Variants in PARVB observed in about 807,000 individuals in gnomAD.
PARVB encodes the protein parvin beta, also known as beta-parvin.
PARVB carries 46 observed loss-of-function variants against 47.0 expected under a neutral mutation model. The ratio of observed to expected loss-of-function variants is 0.98; its 90% CI spans 0.77 to 1.25. The LOEUF (loss-of-function observed/expected upper bound fraction) is 1.25. Ranked by LOEUF, PARVB falls within the 50% of genes most tolerant of loss-of-function variation. The probability of loss-of-function intolerance (pLI) is 0.00; values close to 1 mark genes in which losing one functional copy is unlikely to be tolerated. For synonymous variants in PARVB, 196 were observed against 196.3 expected, an observed-to-expected ratio of 1.00 and a Z score of 0.01; for missense variants, 473 against 471.6, an observed-to-expected ratio of 1.00 and a Z score of -0.03.
intron 1 of PARVB, among the ~76,000 whole-genome samples, chr22:44,062,168 T>G (rs1479234731): frequency 6.6e-6 from 1 of 152,194 alleles, no homozygotes; most frequent in Non-Finnish European, 1.5e-5. Flanking sequence ...CTGCCGCACC[T>G]GGCAGTTCTC....
intron 12 of PARVB, chr22:44,168,264 T>C (rs990433295): frequency 4.2e-6 from 1 of 236,348 alleles, no homozygotes; most frequent in Non-Finnish European, 8.4e-6. Flanking sequence ...TACTGGGGTT[T>C]TTGGTCCCGG....
At chr22:44,157,961 A>T in intron 10 of PARVB, 21 bp from the exon 11 acceptor site, 1 of 1,582,198 alleles carries the variant, frequency 6.3e-7, no homozygotes, top group South Asian at 1.1e-5. Context: ...GCCCGGAAAC[A>T]TCACAAGTCT....
At chr22:44,091,630 C>T (rs1321719792) in intron 1 of PARVB, among the ~76,000 whole-genome samples, 3 of 152,184 alleles carry the variant, frequency 2.0e-5, no homozygotes, top group Non-Finnish European at 2.9e-5. Context: ...AAGGTTCACC[C>T]ATGCGGTAGC....
chr22:44,129,173 A>G (rs2053256042), intron 4 of PARVB, among the ~76,000 whole-genome samples: 1 of 152,208 alleles, frequency 6.6e-6, no homozygotes, highest in African/African-American at 2.4e-5. Flanking sequence ...TCCTATAAAA[A>G]GAGGAGATTA....
chr22:44,133,641 C>T (rs998971862), intron 6 of PARVB, among the ~76,000 whole-genome samples: 28 of 152,322 alleles, frequency 1.8e-4, no homozygotes, highest in Admixed American at 1.2e-3. Flanking sequence ...TGGGCTCAAG[C>T]GGTCCTCCCG....
At chr22:44,142,377 C>CAAAAAAAAAA (rs3053819) in intron 8 of PARVB, 1 of 57,044 alleles carries the variant, frequency 1.8e-5, no homozygotes, top group Non-Finnish European at 3.2e-5. Flanking sequence ...GACTCTGTCT[C>CAAAAAAAAAA]AAAAAAAAAA....
At chr22:44,042,731 G>T (rs2051041462) in intron 1 of PARVB, among the ~76,000 whole-genome samples, 1 of 152,168 alleles carries the variant, frequency 6.6e-6, no homozygotes, top group Non-Finnish European at 1.5e-5. Flanking sequence ...GCTGGGCATT[G>T]TTTCTATTTT....
intron 12 of PARVB, among the ~76,000 whole-genome samples, chr22:44,164,913 C>T (rs956682458): frequency 7.9e-5 from 12 of 152,346 alleles, no homozygotes; most frequent in East Asian, 5.8e-4. Context: ...GGTTCCTGGC[C>T]GGTCCCTTCC....
At chr22:44,055,678 C>CTCTCTCTA (rs1438284048) in intron 1 of PARVB, among the ~76,000 whole-genome samples, 27 of 142,758 alleles carry the variant, frequency 1.9e-4, no homozygotes, top group Admixed American at 4.2e-4. Context: ...CTCTCTCTCT[C>CTCTCTCTA]TATATATATA....
At chr22:44,095,556 C>A (rs1193442484) in intron 2 of PARVB, among the ~76,000 whole-genome samples, 41 of 152,134 alleles carry the variant, frequency 2.7e-4, no homozygotes, top group Admixed American at 2.7e-3. Flanking sequence ...TAATATGCTT[C>A]TTCCCTTTGG....
At chr22:44,146,178 C>G (rs1406095067) in intron 8 of PARVB, 1 of 147,998 alleles carries the variant, frequency 6.8e-6, no homozygotes, top group Admixed American at 6.7e-5. Context: ...CACGCTCACA[C>G]CGCACACACG....
At chr22:44,012,799 G>A (rs556606537) in intron 2 of PARVB, among the ~76,000 whole-genome samples, 8 of 151,872 alleles carry the variant, frequency 5.3e-5, no homozygotes, top group South Asian at 2.1e-4. Flanking sequence ...AGCTACAGGC[G>A]GTTTTTATTT....
At chr22:44,153,251 C>T (rs1440394524) in intron 10 of PARVB, 3 of 152,288 alleles carry the variant, frequency 2.0e-5, no homozygotes, top group East Asian at 3.9e-4. Context: ...TTTCTGGAGA[C>T]CTCCCCCTTC....
chr22:44,018,060 C>G (rs543277553), intron 2 of PARVB, among the ~76,000 whole-genome samples: 4 of 152,106 alleles, frequency 2.6e-5, no homozygotes, highest in Non-Finnish European at 5.9e-5. Flanking sequence ...AGAGAGTACC[C>G]GGATCTCTGT....
At chr22:44,025,086 G>C (rs2050707398) in intron 1 of PARVB, among the ~76,000 whole-genome samples, 1 of 152,122 alleles carries the variant, frequency 6.6e-6, no homozygotes, top group Admixed American at 6.5e-5. Context: ...CGCTTGCCCA[G>C]GGCCTCCTGG....
At chr22:44,163,730 A>G in intron 11 of PARVB, 128 bp from the exon 12 acceptor site, 1 of 730,666 alleles carries the variant, frequency 1.4e-6, no homozygotes, top group East Asian at 2.9e-5. Context: ...CCCCGGGCTC[A>G]CTGGGTCCTT....
upstream of PARVB, among the ~76,000 whole-genome samples, chr22:44,019,822 G>A (rs754833091): frequency 1.3e-5 from 2 of 152,116 alleles, no homozygotes; most frequent in Non-Finnish European, 2.9e-5. Flanking sequence ...CTCCCAACAC[G>A]GGATTGAATT....
intron 1 of PARVB, among the ~76,000 whole-genome samples, chr22:44,059,554 G>A (rs1472750547): frequency 6.6e-6 from 1 of 152,112 alleles, no homozygotes; most frequent in Non-Finnish European, 1.5e-5. Flanking sequence ...TTTTTCTGAT[G>A]TACTCCTTTT....
intron 2 of PARVB, among the ~76,000 whole-genome samples, chr22:44,018,049 CAG>C (rs1419364599): frequency 6.6e-6 from 1 of 152,156 alleles, no homozygotes; most frequent in African/African-American, 2.4e-5. Flanking sequence ...CCCCAGGATA[CAG>C]AGAGTACCCG....
Sources: gnomAD v4.1 joint callset for allele counts (sites outside exome capture counted in the v4.1 genomes callset) on GRCh38, gnomAD v4.1.1 for gene constraint, MANE v1.5 for transcripts, NCBI Gene and HGNC (gene_info 2026-07-23, HGNC 2026-07-21) for gene names.